Variants in GLYATL2 observed in about 807,000 individuals in gnomAD.
The protein encoded by GLYATL2 is glycine N-acyltransferase-like protein 2.
In GLYATL2, 25 loss-of-function variants were observed where a neutral mutation model predicts 21.4. That is an observed-to-expected ratio of 1.17 (90% CI 0.85 to 1.63). GLYATL2 has a LOEUF of 1.63. Among genes scored for constraint, GLYATL2 ranks in the 40% most tolerant of loss-of-function variants. The pLI is 0.00. For missense variants in GLYATL2, 361 were observed against 343.3 expected (o/e 1.05, Z -0.41); for synonymous variants, 114 against 118.2 (o/e 0.96, Z 0.23).
rs1482047591 is a variant in GLYATL2 at position 58,861,870 on chromosome 11, C to G, written n.61-23502G>C. Among the ~76,000 whole-genome samples the G allele has an allele frequency of 2.6e-5, 4 of 151,936 alleles. No homozygotes were observed. In the South Asian group the frequency reaches 8.3e-4, roughly 31 times the overall value. On this transcript the variant is annotated intron_variant and non_coding_transcript_variant, in intron 1 of 4. Coordinates refer to the GLYATL2 transcript ENST00000533636. The stretch of plus-strand genomic sequence containing the variant: ...CCAGTTATTAATTTCTATTTTCATG[C>G]CATTGTTATCTGGAATGATAAATAA...
At chr11:58,857,793 A>T (rs1378725051) in intron 1 of GLYATL2, among the ~76,000 whole-genome samples, 2 of 151,364 alleles carry the variant, frequency 1.3e-5, no homozygotes, top group Non-Finnish European at 1.5e-5. Flanking sequence ...AATCTAGATA[A>T]GCACAGTGAC....
At chr11:58,852,320 A>G (rs1321195603) in intron 1 of GLYATL2, among the ~76,000 whole-genome samples, 1 of 152,218 alleles carries the variant, frequency 6.6e-6, no homozygotes, top group African/African-American at 2.4e-5. Flanking sequence ...TGCTATTACC[A>G]GGAAAGTCTT....
At chr11:58,865,877 G>A (rs1854016335) in intron 1 of GLYATL2, among the ~76,000 whole-genome samples, 1 of 149,038 alleles carries the variant, frequency 6.7e-6, no homozygotes, top group African/African-American at 2.4e-5. Context: ...ATATTTAGGA[G>A]CAATAAAAGG....
chr11:58,902,170 C>T (rs1854751339), intron 1 of GLYATL2, among the ~76,000 whole-genome samples: 1 of 152,108 alleles, frequency 6.6e-6, no homozygotes, highest in African/African-American at 2.4e-5. Context: ...TCAATAGGGG[C>T]AGGTTGTTAG....
Position 58,863,209 on chromosome 11 carries a change from G to T in GLYATL2, n.61-24841C>A, listed in dbSNP as rs1590731109. ...CTGTACCAATAGGGGCTGGACTGAA[G>T]CATGGGTCCACAGGGGCTGACACAG... On this transcript the variant is annotated intron_variant and non_coding_transcript_variant, in intron 1 of 4. Coordinates refer to the GLYATL2 transcript ENST00000533636. Among the ~76,000 whole-genome samples, 7 of 152,324 alleles carry T rather than the reference G, an allele frequency of 4.6e-5. 1 individual carries two copies. Among genetic ancestry groups the T allele is most frequent in the Admixed American group, 4.6e-4 (7 of 15,304 alleles).
At chr11:58,907,217 G>GTC (rs141204903), upstream of GLYATL2, 227 of 450,978 alleles carry the variant, frequency 5.0e-4, 1 homozygote, top group Middle Eastern at 2.3e-3. Context: ...TGAGTTTTCT[G>GTC]TCTCTCTCTC....
chr11:58,909,732 T>C, the GLYATL2 span, among the ~76,000 whole-genome samples: 1 of 152,160 alleles, frequency 6.6e-6, no homozygotes, highest in Non-Finnish European at 1.5e-5. Flanking sequence ...TAAGGTAGTG[T>C]GGTGCCAAGA....
At chr11:58,840,350 A>T (rs1853523915) in intron 1 of GLYATL2, among the ~76,000 whole-genome samples, 1 of 152,124 alleles carries the variant, frequency 6.6e-6, no homozygotes, top group African/African-American at 2.4e-5. Flanking sequence ...AAACATAAGA[A>T]AATTTATTAT....
At chr11:58,902,206 A>G (rs1854751965) in intron 1 of GLYATL2, among the ~76,000 whole-genome samples, 1 of 152,086 alleles carries the variant, frequency 6.6e-6, no homozygotes, top group African/African-American at 2.4e-5. Context: ...TGAGCCCACT[A>G]TGAACCCACA....
intron 1 of GLYATL2, among the ~76,000 whole-genome samples, chr11:58,853,594 A>T (rs1006293265): frequency 7.9e-5 from 12 of 152,172 alleles, no homozygotes; most frequent in African/African-American, 2.9e-4. Context: ...AAAAGAAATG[A>T]ATATTTAATT....
At chr11:58,903,730 A>G (rs761871840) in intron 1 of GLYATL2, among the ~76,000 whole-genome samples, 2 of 152,184 alleles carry the variant, frequency 1.3e-5, no homozygotes, top group Admixed American at 1.3e-4. Flanking sequence ...CATTACCATC[A>G]TAAGTCCTAG....
chr11:58,900,834 A>T (rs1381395243), intron 1 of GLYATL2, among the ~76,000 whole-genome samples: 1 of 152,146 alleles, frequency 6.6e-6, no homozygotes, highest in African/African-American at 2.4e-5. Context: ...GGAAGCTACC[A>T]TTGGCTTTCA....
intron 1 of GLYATL2, among the ~76,000 whole-genome samples, chr11:58,863,986 C>T (rs1263360409): frequency 6.6e-6 from 1 of 152,004 alleles, no homozygotes; most frequent in Non-Finnish European, 1.5e-5. Flanking sequence ...CAGATGCTTG[C>T]CAGATACCTA....
chr11:58,834,890 A>G, intron 5 of GLYATL2, 53 bp from the exon 6 acceptor site: 4 of 1,342,152 alleles, frequency 3.0e-6, no homozygotes, highest in Non-Finnish European at 4.1e-6. Flanking sequence ...CAAACACTGG[A>G]ATTTCAAAAA....
chr11:58,845,390 C>T (rs1392388503), upstream of GLYATL2, among the ~76,000 whole-genome samples: 1 of 152,068 alleles, frequency 6.6e-6, no homozygotes, highest in East Asian at 1.9e-4. Flanking sequence ...CGCTTGAGGG[C>T]AAAAACTTGA....
At chr11:58,859,117 C>T (rs1211931178) in intron 1 of GLYATL2, among the ~76,000 whole-genome samples, 2 of 152,134 alleles carry the variant, frequency 1.3e-5, no homozygotes, top group Non-Finnish European at 2.9e-5. Context: ...GTACTGCAAT[C>T]CCCCTGGCCC....
At chr11:58,879,400 A>G (rs937505095) in intron 1 of GLYATL2, among the ~76,000 whole-genome samples, 1 of 152,214 alleles carries the variant, frequency 6.6e-6, no homozygotes, top group Admixed American at 6.5e-5. Context: ...TTGCTTTTCT[A>G]TAGTCTTCAC....
At chr11:58,905,538 C>A, upstream of GLYATL2, 1 of 456,298 alleles carries the variant, frequency 2.2e-6, no homozygotes, top group Non-Finnish European at 4.4e-6. Context: ...GGAAAAAGCG[C>A]GAAACCGCCA....
chr11:58,888,234 A>G (rs527314833), intron 1 of GLYATL2, among the ~76,000 whole-genome samples: 112 of 152,274 alleles, frequency 7.4e-4, no homozygotes, highest in African/African-American at 2.6e-3. Context: ...GGTGTATGCT[A>G]CAAATTTGTT....
Sources: allele counts gnomAD v4.1 joint callset (sites outside exome capture counted in the v4.1 genomes callset), GRCh38; gene constraint gnomAD v4.1.1; transcripts MANE v1.5; gene names NCBI Gene and HGNC (gene_info 2026-07-23, HGNC 2026-07-21).